UBE2E2: variants seen among roughly 807,000 people sequenced by gnomAD.
UBE2E2 encodes ubiquitin conjugating enzyme E2 E2.
A neutral mutation model predicts 24.7 loss-of-function variants in UBE2E2; 6 were observed. The ratio of observed to expected loss-of-function variants is 0.24; its 90% CI spans 0.13 to 0.48. The LOEUF (loss-of-function observed/expected upper bound fraction) is 0.48, where lower values mean the gene tolerates loss of function less well. Among genes scored for constraint, UBE2E2 ranks in the 20% least tolerant of loss-of-function variants. The pLI is 0.99. For missense variants in UBE2E2, 169 were observed against 245.0 expected (o/e 0.69, Z 2.07); for synonymous variants, 104 against 83.6 (o/e 1.24, Z -1.33).
intron 4 of UBE2E2, among the ~76,000 whole-genome samples, chr3:23,507,823 G>A (rs1309844577): frequency 6.6e-6 from 1 of 152,206 alleles, no homozygotes; most frequent in African/African-American, 2.4e-5. Flanking sequence ...GGTTTGAGGA[G>A]GAAAGAATGT....
intron 5 of UBE2E2, among the ~76,000 whole-genome samples, chr3:23,588,721 C>A (rs1219079162): frequency 1.3e-5 from 2 of 152,140 alleles, no homozygotes; most frequent in Non-Finnish European, 2.9e-5. Flanking sequence ...CTGCTCCACC[C>A]CTTTCTCCAC....
chr3:23,368,099 T>C (rs1195670168), intron 3 of UBE2E2, among the ~76,000 whole-genome samples: 2 of 152,226 alleles, frequency 1.3e-5, no homozygotes, highest in African/African-American at 2.4e-5. Context: ...TGATTTCCTA[T>C]GTACTGTGTT....
At position 23,499,676 on chromosome 3, in the gene UBE2E2, A is replaced by T. The variant is rs764458474; in HGVS notation, c.296A>T (p.Tyr99Phe). 1 of 1,614,002 alleles carries T rather than the reference A, an allele frequency of 6.2e-7. No individual in the cohort carries two copies. Among genetic ancestry groups the T allele is most frequent in the Non-Finnish European group, 8.5e-7 (1 of 1,179,922 alleles). The stretch of plus-strand genomic sequence containing the variant: ...ATATTGGGACCCCCAGGATCTGTCT[A>T]TGAAGGAGGGGTGTTCTTTCTTGAC... Reference protein sequence around the residue: ...STILGPPGSVYEGGVFFLDIT... With the variant: ...STILGPPGSVFEGGVFFLDIT... The change falls in exon 4 of 6, where the codon TAT (tyrosine) becomes TTT (phenylalanine). Residue 99 changes from tyrosine (Y) to phenylalanine (F), a missense_variant. Tyr to Phe is a conservative substitution (Grantham distance 22). Transcript: ENST00000396703.
In UBE2E2 at chr3:23,407,187, GA is replaced by G. The variant is rs560897128; in HGVS notation, c.228-92411del. On this transcript the variant is annotated intron_variant, in intron 3 of 5. Coordinates refer to ENST00000396703, the MANE Select transcript of UBE2E2 (RefSeq NM_152653.4). This position sits in a 1 kb window ranked among gnomAD's most constrained non-coding sequence, Gnocchi z 4.0. ...GAACCCTGACTTTCAGAATGGCCTG[GA>G]AAAAAAAAAGGTCTTGACCACTGTG... is the stretch of plus-strand genomic sequence containing the variant. 1.9e-4 allele frequency among the ~76,000 whole-genome samples: 28 copies of G among 147,000 alleles called. No homozygotes were observed. The East Asian group carries it at 2.6e-3, about 13-fold the overall frequency.
At chr3:23,569,038 C>T (rs994876253) in intron 5 of UBE2E2, among the ~76,000 whole-genome samples, 4 of 150,906 alleles carry the variant, frequency 2.7e-5, no homozygotes, top group South Asian at 2.1e-4. Context: ...ACAAATGTTC[C>T]TTGCAGCATT....
rs1403912149 is a variant in UBE2E2, at chr3:23,475,493, C to T, written c.228-24115C>T. Among the ~76,000 whole-genome samples the T allele has an allele frequency of 2.0e-5, 3 of 151,978 alleles. No individual in the cohort carries two copies. The East Asian group carries it at 5.8e-4, about 29-fold the overall frequency. ...CACTATAAAGCCCTGTAACTGGTCT[C>T]ATGTCCTCAATCTCAGCTATATCCT... On this transcript the variant is annotated intron_variant, in intron 3 of 5. Transcript: ENST00000396703.
At chr3:23,391,279 A>T (rs936054780) in intron 3 of UBE2E2, among the ~76,000 whole-genome samples, 4 of 152,222 alleles carry the variant, frequency 2.6e-5, no homozygotes, top group African/African-American at 7.2e-5. Flanking sequence ...AGTTATATTA[A>T]CTGCTACTTA....
intron 3 of UBE2E2, among the ~76,000 whole-genome samples, chr3:23,303,044 G>T (rs187628945): frequency 1.5e-4 from 23 of 152,258 alleles, no homozygotes; most frequent in African/African-American, 5.3e-4. Flanking sequence ...CTCATTGCTG[G>T]CATTACCGCC....
At chr3:23,233,734 A>G (rs1452566375) in intron 3 of UBE2E2, among the ~76,000 whole-genome samples, 1 of 152,188 alleles carries the variant, frequency 6.6e-6, no homozygotes, top group Non-Finnish European at 1.5e-5. Flanking sequence ...AGCCTCCAAT[A>G]TTTAAGTAGC....
At chr3:23,248,051 A>G (rs1285455297) in intron 3 of UBE2E2, among the ~76,000 whole-genome samples, 1 of 152,212 alleles carries the variant, frequency 6.6e-6, no homozygotes, top group Non-Finnish European at 1.5e-5. Context: ...CCAATTCCCA[A>G]TTCTAATCAA....
intron 3 of UBE2E2, among the ~76,000 whole-genome samples, chr3:23,394,523 A>G (rs903485385): frequency 6.6e-6 from 1 of 152,178 alleles, no homozygotes; most frequent in Admixed American, 6.5e-5. Context: ...GCCAAGAACA[A>G]CTAGAAAAAC....
chr3:23,415,745 C>CT (rs57885651), intron 3 of UBE2E2, among the ~76,000 whole-genome samples: 1 of 152,062 alleles, frequency 6.6e-6, no homozygotes, highest in Non-Finnish European at 1.5e-5. Flanking sequence ...TTATATTCTT[C>CT]TTTTTTATTA....
chr3:23,256,986 G>T (rs1263631049), intron 3 of UBE2E2, among the ~76,000 whole-genome samples: 3 of 152,172 alleles, frequency 2.0e-5, no homozygotes, highest in Non-Finnish European at 4.4e-5. Context: ...TATTTATTTA[G>T]GTCGTGTGAA....
intron 3 of UBE2E2, among the ~76,000 whole-genome samples, chr3:23,277,136 G>A (rs546687830): frequency 6.6e-6 from 1 of 152,170 alleles, no homozygotes; most frequent in South Asian, 2.1e-4. Flanking sequence ...TTTAACTATG[G>A]TTGGCAGCTG....
At chr3:23,317,727 C>T (rs781022509) in intron 3 of UBE2E2, among the ~76,000 whole-genome samples, 30 of 151,984 alleles carry the variant, frequency 2.0e-4, no homozygotes, top group Non-Finnish European at 3.8e-4. Context: ...ACGAGAAAGA[C>T]CTGCCCCCAT....
intron 4 of UBE2E2, among the ~76,000 whole-genome samples, chr3:23,505,151 G>T (rs1321426514): frequency 6.6e-6 from 1 of 150,614 alleles, no homozygotes; most frequent in African/African-American, 2.4e-5. Flanking sequence ...GAACTCCGGG[G>T]CTCAAGCAGT....
intron 3 of UBE2E2, among the ~76,000 whole-genome samples, chr3:23,299,836 C>A (rs1699020762): frequency 6.6e-6 from 1 of 152,062 alleles, no homozygotes; most frequent in South Asian, 2.1e-4. Context: ...TCCTGGGTAT[C>A]CTTGTTAACT....
intron 3 of UBE2E2, among the ~76,000 whole-genome samples, chr3:23,247,442 C>T (rs1227011913): frequency 1.3e-5 from 2 of 151,518 alleles, no homozygotes; most frequent in African/African-American, 4.8e-5. Flanking sequence ...AGAACCTCTG[C>T]CTCCCGCGTA....
chr3:23,443,098 C>T (rs1415686898), intron 3 of UBE2E2, among the ~76,000 whole-genome samples: 2 of 152,162 alleles, frequency 1.3e-5, no homozygotes, highest in Non-Finnish European at 2.9e-5. Context: ...TTATCCCTCT[C>T]GTGGCCATTA....
Sources: gnomAD v4.1 joint callset for allele counts (sites outside exome capture counted in the v4.1 genomes callset) on GRCh38, gnomAD v4.1.1 for gene constraint, Gnocchi (gnomAD v3.1) non-coding constraint, MANE v1.5 for transcripts, NCBI Gene and HGNC (gene_info 2026-07-23, HGNC 2026-07-21) for gene names.